The following SCFD1 variants were observed in gnomAD, a reference collection of about 807,000 sequenced individuals.
SCFD1 encodes sec1 family domain containing 1, also known as sec1 family domain-containing protein 1.
A neutral mutation model predicts 103.2 loss-of-function variants in SCFD1; 37 were observed. That is an observed-to-expected ratio of 0.36 (90% CI 0.28 to 0.47). SCFD1 has a LOEUF of 0.47. SCFD1 is among the 20% of genes least tolerant of loss of function. The pLI is 1.00. For missense variants in SCFD1, 639 were observed against 761.2 expected, an observed-to-expected ratio of 0.84 and a Z score of 1.89; for synonymous variants, 264 against 245.0, an observed-to-expected ratio of 1.08 and a Z score of -0.73.
At chr14:30,644,565 CATT>C (rs1885618870) in intron 7 of SCFD1, among the ~76,000 whole-genome samples, 1 of 152,116 alleles carries the variant, frequency 6.6e-6, no homozygotes, top group South Asian at 2.1e-4. Context: ...GATGGTATCT[CATT>C]GTGGTTTTGA....
chr14:30,691,206 G>T lies in SCFD1; in HGVS notation c.1243-3567G>T, dbSNP rs551389685. ...CTTGAACAAATACATGTTTCTGTAT[G>T]TCTGTTTCTTCATCTTTAAAATGAG... On this transcript the variant is annotated intron_variant, in intron 14 of 24. Coordinates refer to ENST00000458591, the MANE Select transcript of SCFD1 (RefSeq NM_016106.4). Among the ~76,000 whole-genome samples, 11 of 152,310 alleles carry T rather than the reference G, an allele frequency of 7.2e-5. 1 individual carries two copies. In the South Asian group the frequency reaches 2.1e-3, roughly 29 times the overall value.
chr14:30,718,702 C>A (rs116251177), intron 20 of SCFD1, among the ~76,000 whole-genome samples: 1,645 of 152,270 alleles, frequency 0.011, 26 homozygotes, highest in African/African-American at 0.038. Context: ...GTTTTCCTTT[C>A]ATTTCTTAAT....
intron 21 of SCFD1, among the ~76,000 whole-genome samples, chr14:30,720,800 G>A (rs1892602979): frequency 6.6e-6 from 1 of 152,170 alleles, no homozygotes; most frequent in Non-Finnish European, 1.5e-5. Flanking sequence ...TTGAGCATCT[G>A]TGGACTTTGG....
At chr14:30,707,967 C>A (rs767496659) in intron 18 of SCFD1, 23 bp from the exon 19 acceptor site, 2 of 1,542,140 alleles carry the variant, frequency 1.3e-6, no homozygotes, top group Non-Finnish European at 1.8e-6. Context: ...TTAGAATGGT[C>A]CTTCTCTTTT....
At chr14:30,634,964 A>G (rs756809946) in intron 4 of SCFD1, 1 of 456,062 alleles carries the variant, frequency 2.2e-6, no homozygotes, top group South Asian at 1.5e-5. Context: ...CAATATTTAG[A>G]TGAGTCACCC....
At chr14:30,644,035 A>G (rs541132894) in intron 7 of SCFD1, 16 of 452,986 alleles carry the variant, frequency 3.5e-5, no homozygotes, top group African/African-American at 2.0e-4. Context: ...CCCAATATCT[A>G]TTATTCTCAT....
Position 30,681,851 on chromosome 14 carries a change from G to C in SCFD1, c.1242+6786G>C, listed in dbSNP as rs570114398. ...TTACCCTTATAGATTTCATGTGACT[G>C]TTTCGTATAGCAACTTTCATGAAAC... On this transcript the variant is annotated intron_variant, in intron 14 of 24. Coordinates refer to ENST00000458591, the MANE Select transcript of SCFD1 (RefSeq NM_016106.4). Among the ~76,000 whole-genome samples, 4 of 152,218 alleles carry C rather than the reference G, an allele frequency of 2.6e-5. No individual in the cohort carries two copies. The East Asian group carries it at 7.7e-4, about 29-fold the overall frequency.
At chr14:30,670,486 C>T (rs1888432597) in intron 11 of SCFD1, 91 bp downstream of exon 11, 2 of 902,734 alleles carry the variant, frequency 2.2e-6, no homozygotes, top group African/African-American at 3.5e-5. Flanking sequence ...AAAAAAGGGT[C>T]ATGTAGGTTC....
chr14:30,734,581 T>C, intron 23 of SCFD1: 1 of 525,112 alleles, frequency 1.9e-6, no homozygotes, highest in Non-Finnish European at 3.4e-6. Flanking sequence ...AGTATATATT[T>C]TGGGGGACAA....
chr14:30,684,762 A>T (rs956709391), intron 14 of SCFD1, among the ~76,000 whole-genome samples: 45 of 90,154 alleles, frequency 5.0e-4, no homozygotes, highest in Middle Eastern at 8.8e-3. Context: ...TTTAAAATAT[A>T]TTTAAAGTCT....
At chr14:30,626,235 G>C (rs1883428127) in intron 1 of SCFD1, among the ~76,000 whole-genome samples, 1 of 151,852 alleles carries the variant, frequency 6.6e-6, no homozygotes, top group Non-Finnish European at 1.5e-5. Context: ...CTCTGAAGTA[G>C]GTAATATTGG....
intron 4 of SCFD1, 64 bp downstream of exon 4, chr14:30,634,101 T>G (rs1173345028): frequency 1.1e-6 from 1 of 901,470 alleles, no homozygotes; most frequent in Non-Finnish European, 1.7e-6. Context: ...TCAAGAAAAA[T>G]TCCTAGATGT....
intron 10 of SCFD1, among the ~76,000 whole-genome samples, chr14:30,654,373 C>G (rs189366420): frequency 6.6e-6 from 1 of 152,312 alleles, no homozygotes; most frequent in East Asian, 1.9e-4. Flanking sequence ...CCCAACATGT[C>G]ATATAAACAG....
intron 19 of SCFD1, 134 bp downstream of exon 19, chr14:30,708,199 T>C: frequency 1.6e-6 from 1 of 620,288 alleles, no homozygotes; most frequent in Non-Finnish European, 2.8e-6. Context: ...GTTCCTTTTT[T>C]TTTAAGTTCT....
At chr14:30,684,451 A>G (rs1193274195) in intron 14 of SCFD1, among the ~76,000 whole-genome samples, 1 of 152,212 alleles carries the variant, frequency 6.6e-6, no homozygotes, top group East Asian at 1.9e-4. Context: ...ATATGTATGT[A>G]TGTGCGCACA....
At chr14:30,657,706 C>A (rs776278619) in intron 10 of SCFD1, among the ~76,000 whole-genome samples, 29 of 152,224 alleles carry the variant, frequency 1.9e-4, no homozygotes, top group Non-Finnish European at 3.7e-4. Context: ...GATTGCTAAA[C>A]CTGCTACTTT....
At chr14:30,727,705 G>C (rs1345358364) in intron 23 of SCFD1, among the ~76,000 whole-genome samples, 1 of 152,016 alleles carries the variant, frequency 6.6e-6, no homozygotes, top group Non-Finnish European at 1.5e-5. Context: ...CCTTTCTCCT[G>C]TTGTTAGTTT....
At position 30,650,619 on chromosome 14, in the gene SCFD1, A is replaced by T; in HGVS notation, c.724A>T (p.Thr242Ser). The part of the protein sequence containing the change: ...NLRDARNSLF[T>S]GDTLGAGQFS... Reference sequence around the variant, plus strand: ...AAGAGATGCAAGAAACAGTCTTTTTACAGGTGATACACTTGGAGCTGGCCA... The same window carrying T: ...AAGAGATGCAAGAAACAGTCTTTTTTCAGGTGATACACTTGGAGCTGGCCA... Residue 242 changes from threonine (T) to serine (S), a missense_variant, in exon 9 of 25, where the codon ACA becomes TCA. Coordinates refer to ENST00000458591, the MANE Select transcript of SCFD1 (RefSeq NM_016106.4). The T allele has an allele frequency of 6.2e-7, 1 of 1,608,932 alleles. No homozygotes were observed. The highest frequency in any genetic ancestry group is 1.7e-5 in the Admixed American group (1 of 59,890).
chr14:30,637,597 T>G (rs1884855891), intron 4 of SCFD1, among the ~76,000 whole-genome samples: 1 of 152,188 alleles, frequency 6.6e-6, no homozygotes, highest in Admixed American at 6.5e-5. Context: ...TATGGTTATT[T>G]CGATATCTAT....
Sources: gnomAD v4.1 joint callset for allele counts (sites outside exome capture counted in the v4.1 genomes callset) on GRCh38, gnomAD v4.1.1 for gene constraint, MANE v1.5 for transcripts, NCBI Gene and HGNC (gene_info 2026-07-23, HGNC 2026-07-21) for gene names.